The following ARHGAP42 variants were observed in gnomAD, a reference collection of about 807,000 sequenced individuals.
ARHGAP42 encodes rho GTPase-activating protein 42.
Under a neutral mutation model 125.0 loss-of-function variants are expected in ARHGAP42, and 63 were observed. That is an observed-to-expected ratio of 0.50 (90% CI 0.41 to 0.62). The LOEUF (loss-of-function observed/expected upper bound fraction) is 0.62. ARHGAP42 is among the 20% of genes least tolerant of loss of function. ARHGAP42 has a pLI of 0.00. For missense variants in ARHGAP42, 766 were observed against 1,024.2 expected (o/e 0.75, Z 3.44); for synonymous variants, 339 against 351.0 (o/e 0.97, Z 0.38).
At chr11:100,702,906 C>T (rs1052633917) in intron 1 of ARHGAP42, among the ~76,000 whole-genome samples, 1 of 151,704 alleles carries the variant, frequency 6.6e-6, no homozygotes, top group African/African-American at 2.4e-5. Flanking sequence ...AGGTGATCCG[C>T]CCACCTCGGC....
chr11:100,859,747 ACTTTTTG>A (rs1565245884), intron 4 of ARHGAP42, 122 bp downstream of exon 4: 4 of 710,356 alleles, frequency 5.6e-6, no homozygotes, highest in Admixed American at 3.9e-5. Flanking sequence ...ATCATTTAAA[ACTTTTTG>A]CATAGAGACT....
chr11:100,856,210 T>G (rs1865319567), intron 3 of ARHGAP42, among the ~76,000 whole-genome samples: 1 of 152,104 alleles, frequency 6.6e-6, no homozygotes, highest in East Asian at 1.9e-4. Flanking sequence ...ATTTTTTAAC[T>G]TTGCAAGGTT....
intron 2 of ARHGAP42, among the ~76,000 whole-genome samples, chr11:100,773,056 C>A (rs1048333647): frequency 6.6e-6 from 1 of 152,146 alleles, no homozygotes; most frequent in Admixed American, 6.6e-5. Flanking sequence ...AAGTTGGTCT[C>A]AAACTCCTGA....
chr11:100,723,748 A>T (rs1009558202), intron 1 of ARHGAP42, among the ~76,000 whole-genome samples: 10 of 151,876 alleles, frequency 6.6e-5, no homozygotes, highest in Admixed American at 5.2e-4. Flanking sequence ...GTATTTCTTT[A>T]TATCCTTTTC....
chr11:100,890,927 C>G (rs775784635), intron 4 of ARHGAP42, among the ~76,000 whole-genome samples: 4 of 152,146 alleles, frequency 2.6e-5, no homozygotes, highest in Non-Finnish European at 4.4e-5. Flanking sequence ...GCCCCTGTTT[C>G]ACAGGCATTT....
At chr11:100,820,844 G>A (rs1864387673) in intron 3 of ARHGAP42, among the ~76,000 whole-genome samples, 2 of 151,774 alleles carry the variant, frequency 1.3e-5, no homozygotes, top group African/African-American at 4.8e-5. Context: ...GGAAAAATAA[G>A]GTTCATTTTA....
At position 100,992,078 on chromosome 11, in the gene ARHGAP42, T is replaced by C. The variant is rs1030071049; in HGVS notation, c.*3277T>C. 5.6e-5 allele frequency: 29 copies of C among 515,870 alleles called. No homozygotes were observed. The highest frequency in any genetic ancestry group is 4.4e-4 in the African/African-American group (23 of 52,682). 32.0% of individuals were successfully genotyped at this position (515,870 alleles called of 1,614,324 possible). On this transcript the variant is annotated 3_prime_UTR_variant, in exon 24 of 24. Transcript: ENST00000298815. ...CTCCTAGCACCGTTCTTCTGGTCTG[T>C]GTTGAAAAGGGTATCATTCATGTGG... is the stretch of plus-strand genomic sequence containing the variant.
intron 4 of ARHGAP42, among the ~76,000 whole-genome samples, chr11:100,911,846 T>C (rs1290013305): frequency 6.6e-6 from 1 of 152,166 alleles, no homozygotes; most frequent in African/African-American, 2.4e-5. Flanking sequence ...GTGTTTATCT[T>C]GGTAGGACCA....
At chr11:100,978,960 A>G (rs1858461161) in intron 21 of ARHGAP42, 27 bp from the exon 22 acceptor site, 3 of 1,550,856 alleles carry the variant, frequency 1.9e-6, no homozygotes, top group Non-Finnish European at 2.6e-6. Flanking sequence ...TGACTTCATG[A>G]AACTTGCATT....
At chr11:100,980,559 CTTTTTTTTTTTTTTTTT>C (rs763302463) in intron 22 of ARHGAP42, among the ~76,000 whole-genome samples, 2 of 51,962 alleles carry the variant, frequency 3.8e-5, no homozygotes, top group African/African-American at 5.7e-5. Context: ...TTTTCTTCTT[CTTTTTTTTTTTTTTTTT>C]TTTTTTTTTT....
At chr11:100,730,499 C>T (rs1861937782) in intron 1 of ARHGAP42, among the ~76,000 whole-genome samples, 1 of 152,174 alleles carries the variant, frequency 6.6e-6, no homozygotes, top group Admixed American at 6.5e-5. Flanking sequence ...TTCTCACAAT[C>T]AGATTTTAAG....
chr11:100,724,180 G>GT (rs1861814470), intron 1 of ARHGAP42, among the ~76,000 whole-genome samples: 1 of 152,044 alleles, frequency 6.6e-6, no homozygotes, highest in Non-Finnish European at 1.5e-5. Flanking sequence ...ATCTCACTTG[G>GT]TGGGGGGTAA....
intron 1 of ARHGAP42, 33 bp downstream of exon 1, chr11:100,687,865 C>G (rs2120155807): frequency 6.6e-7 from 1 of 1,511,832 alleles, no homozygotes; most frequent in Non-Finnish European, 8.9e-7. Flanking sequence ...TGGACACCCG[C>G]ATCTGGAGAG....
intron 4 of ARHGAP42, among the ~76,000 whole-genome samples, chr11:100,894,569 C>T (rs1052674266): frequency 2.0e-5 from 3 of 152,162 alleles, no homozygotes; most frequent in African/African-American, 7.2e-5. Flanking sequence ...AGCTAAGTGG[C>T]AGCACTACCA....
intron 1 of ARHGAP42, among the ~76,000 whole-genome samples, chr11:100,761,992 T>A (rs1862711083): frequency 6.6e-6 from 1 of 152,198 alleles, no homozygotes; most frequent in Non-Finnish European, 1.5e-5. Context: ...TGGTGATCCC[T>A]GGATTGGCAT....
intron 2 of ARHGAP42, among the ~76,000 whole-genome samples, chr11:100,778,669 TAAA>T (rs1214482821): frequency 6.6e-6 from 1 of 151,870 alleles, no homozygotes; most frequent in Non-Finnish European, 1.5e-5. Flanking sequence ...GTTCCTCTCT[TAAA>T]AAAAACACGC....
intron 4 of ARHGAP42, among the ~76,000 whole-genome samples, chr11:100,900,899 CAA>C (rs1375382283): frequency 6.6e-6 from 1 of 152,162 alleles, no homozygotes; most frequent in Non-Finnish European, 1.5e-5. Context: ...GTCAACTCGT[CAA>C]AATCATTCTC....
chr11:100,912,608 A>G (rs565770211), intron 4 of ARHGAP42, among the ~76,000 whole-genome samples: 101 of 152,318 alleles, frequency 6.6e-4, no homozygotes, highest in South Asian at 5.0e-3. Flanking sequence ...TGGAAAAGAC[A>G]TATCTGGTGG....
chr11:100,890,236 A>G (rs561267185), intron 4 of ARHGAP42, among the ~76,000 whole-genome samples: 1 of 152,262 alleles, frequency 6.6e-6, no homozygotes, highest in Admixed American at 6.5e-5. Context: ...AAACGTATTC[A>G]GCTCTCTCAG....
Sources: allele counts gnomAD v4.1 joint callset (sites outside exome capture counted in the v4.1 genomes callset), GRCh38; gene constraint gnomAD v4.1.1; transcripts MANE v1.5; gene names NCBI Gene and HGNC (gene_info 2026-07-23, HGNC 2026-07-21).